FGGY: variants seen among roughly 807,000 people sequenced by gnomAD.
FGGY encodes the protein FGGY carbohydrate kinase domain-containing protein.
Under a neutral mutation model 71.3 loss-of-function variants are expected in FGGY, and 72 were observed. The observed-to-expected ratio is 1.01, with a 90% CI of 0.84 to 1.23. The LOEUF (loss-of-function observed/expected upper bound fraction) is 1.23, where lower values mean the gene tolerates loss of function less well. Among genes scored for constraint, FGGY ranks in the 50% most tolerant of loss-of-function variants. The pLI, the probability that FGGY is intolerant of heterozygous loss-of-function variation, is 0.00. For missense variants in FGGY, 668 were observed against 682.3 expected (o/e 0.98, Z 0.23); for synonymous variants, 251 against 250.3 (o/e 1.00, Z -0.02).
At position 59,532,492 on chromosome 1, in the gene FGGY, G is replaced by A. The variant is rs528345486; in HGVS notation, c.799+20053G>A. On this transcript the variant is annotated intron_variant, in intron 7 of 15. Transcript: ENST00000303721. ...CAAAAGTTTTTCAAAACTTATAAAA[G>A]AACTCAAGTGAGTTATTTTAACTTT... Among the ~76,000 whole-genome samples the A allele has an allele frequency of 2.6e-5, 4 of 152,194 alleles. No individual in the cohort carries two copies. The East Asian group carries it at 7.7e-4, about 29-fold the overall frequency.
At chr1:59,565,109 A>G (rs984666488) in intron 8 of FGGY, among the ~76,000 whole-genome samples, 1 of 152,170 alleles carries the variant, frequency 6.6e-6, no homozygotes. Flanking sequence ...TGCCTTGATT[A>G]GCAGCAATGA....
intron 4 of FGGY, among the ~76,000 whole-genome samples, chr1:59,346,998 G>A (rs554376134): frequency 5.5e-4 from 77 of 139,350 alleles, no homozygotes; most frequent in African/African-American, 2.0e-3. Flanking sequence ...AATCTTAGAC[G>A]TCGTGGTGGA....
chr1:59,360,767 T>C (rs2055343559), intron 4 of FGGY, among the ~76,000 whole-genome samples: 1 of 152,102 alleles, frequency 6.6e-6, no homozygotes, highest in Non-Finnish European at 1.5e-5. Flanking sequence ...TGAAGGGAAA[T>C]GGAATTCACA....
At chr1:59,720,043 A>G (rs2097875976) in intron 14 of FGGY, among the ~76,000 whole-genome samples, 1 of 152,216 alleles carries the variant, frequency 6.6e-6, no homozygotes. Flanking sequence ...CTCATTGGTA[A>G]AAATCTCTGT....
intron 11 of FGGY, among the ~76,000 whole-genome samples, chr1:59,651,938 G>A (rs1256744511): frequency 1.3e-5 from 2 of 151,400 alleles, no homozygotes; most frequent in African/African-American, 4.9e-5. Context: ...GCTCTTTTAG[G>A]GCAGGCCTGG....
rs1270883118 is a variant in FGGY at position 59,482,610 on chromosome 1, ATATG to A, written c.670+25536_670+25539del. ...TGTGTGTCTGTGTGTGTATATATAC[ATATG>A]TGTGTGTGTGTGTCTGTGTGTATAT... is the stretch of plus-strand genomic sequence containing the variant. On this transcript the variant is annotated intron_variant, in intron 6 of 15. Coordinates refer to ENST00000303721, the MANE Select transcript of FGGY (RefSeq NM_018291.5). Among the ~76,000 whole-genome samples the A allele has an allele frequency of 3.5e-5, 4 of 112,830 alleles. No individual in the cohort carries two copies. The East Asian group carries it at 7.0e-4, about 20-fold the overall frequency. 74.0% of individuals were successfully genotyped at this position (112,830 alleles called of 152,430 possible).
chr1:59,642,176 G>A (rs2097036951), intron 11 of FGGY, among the ~76,000 whole-genome samples: 2 of 152,214 alleles, frequency 1.3e-5, no homozygotes, highest in African/African-American at 2.4e-5. Context: ...GAGGAAGGGT[G>A]TAGTTTGCAC....
intron 6 of FGGY, among the ~76,000 whole-genome samples, chr1:59,507,989 A>G (rs146375412): frequency 6.6e-6 from 1 of 152,128 alleles, no homozygotes; most frequent in East Asian, 1.9e-4. Flanking sequence ...GCGACATACT[A>G]AATGCCTCAA....
In FGGY at chr1:59,482,634, GTA is replaced by G. The variant is rs3990413; in HGVS notation, c.670+25575_670+25576del. Among the ~76,000 whole-genome samples, 546 of 147,336 alleles carry G rather than the reference GTA, an allele frequency of 3.7e-3. 4 individuals are homozygous for G. The highest frequency in any genetic ancestry group is 0.011 in the African/African-American group (454 of 39,966). ...CATATGTGTGTGTGTGTGTCTGTGTGTATATATATATATATATAAACACCATA... is the reference window on the plus strand; with the variant it reads ...CATATGTGTGTGTGTGTGTCTGTGTGTATATATATATATATAAACACCATA... On this transcript the variant is annotated intron_variant, in intron 6 of 15. Transcript: ENST00000303721.
intron 14 of FGGY, among the ~76,000 whole-genome samples, chr1:59,704,191 A>G (rs2097734060): frequency 6.6e-6 from 1 of 152,132 alleles, no homozygotes; most frequent in African/African-American, 2.4e-5. Flanking sequence ...GCATCTTACC[A>G]TTCCTATCAG....
chr1:59,556,335 C>T (rs1558337276), intron 8 of FGGY, among the ~76,000 whole-genome samples: 1 of 152,208 alleles, frequency 6.6e-6, no homozygotes, highest in Non-Finnish European at 1.5e-5. Flanking sequence ...GCAAGTGTCT[C>T]TGTGATGGCC....
At chr1:59,608,824 C>T (rs1378922385) in intron 9 of FGGY, among the ~76,000 whole-genome samples, 2 of 151,956 alleles carry the variant, frequency 1.3e-5, no homozygotes, top group Admixed American at 6.6e-5. Flanking sequence ...GCGACAAGAG[C>T]GAAACTCCGT....
At chr1:59,601,279 A>G (rs2096575297) in intron 8 of FGGY, among the ~76,000 whole-genome samples, 1 of 152,200 alleles carries the variant, frequency 6.6e-6, no homozygotes. Flanking sequence ...GGGAGGCAGA[A>G]CAAACGGAGC....
At chr1:59,582,530 G>C (rs1025106306) in intron 8 of FGGY, among the ~76,000 whole-genome samples, 1 of 149,514 alleles carries the variant, frequency 6.7e-6, no homozygotes, top group African/African-American at 2.5e-5. Context: ...TCTATTCTCT[G>C]CTTCCTGTCC....
intron 14 of FGGY, among the ~76,000 whole-genome samples, chr1:59,751,108 G>C (rs2098241615): frequency 6.6e-6 from 1 of 152,202 alleles, no homozygotes; most frequent in Non-Finnish European, 1.5e-5. Flanking sequence ...CAATGGCCTG[G>C]AGTCAGAAGT....
At chr1:59,624,356 C>T (rs2096837596) in intron 9 of FGGY, among the ~76,000 whole-genome samples, 1 of 152,080 alleles carries the variant, frequency 6.6e-6, no homozygotes. Flanking sequence ...GCTCAGTTTC[C>T]TCATCTCCAT....
At chr1:59,426,818 G>A (rs1377697697) in intron 5 of FGGY, among the ~76,000 whole-genome samples, 2 of 151,700 alleles carry the variant, frequency 1.3e-5, no homozygotes, top group Non-Finnish European at 2.9e-5. Context: ...TGGATGAGAT[G>A]GTTGTAGCAA....
At chr1:59,703,995 T>C (rs1281966839) in intron 14 of FGGY, among the ~76,000 whole-genome samples, 1 of 152,156 alleles carries the variant, frequency 6.6e-6, no homozygotes, top group Non-Finnish European at 1.5e-5. Context: ...TGTGTACATG[T>C]TTTATCAAGA....
chr1:59,748,418 T>A (rs1227518850), intron 14 of FGGY, among the ~76,000 whole-genome samples: 1 of 152,054 alleles, frequency 6.6e-6, no homozygotes, highest in Non-Finnish European at 1.5e-5. Context: ...AGAACCTAAA[T>A]CATATGGAAA....
Sources: allele counts gnomAD v4.1 joint callset (sites outside exome capture counted in the v4.1 genomes callset), GRCh38; gene constraint gnomAD v4.1.1; transcripts MANE v1.5; gene names NCBI Gene and HGNC (gene_info 2026-07-23, HGNC 2026-07-21).